Variants in VPS37A observed in about 807,000 individuals in gnomAD.
The protein encoded by VPS37A is vacuolar protein sorting-associated protein 37A.
VPS37A carries 30 observed loss-of-function variants against 49.8 expected under a neutral mutation model. The ratio of observed to expected loss-of-function variants is 0.60; its 90% confidence interval spans 0.45 to 0.82. The LOEUF is 0.82. Ranked by LOEUF, VPS37A falls within the 40% of genes least tolerant of loss-of-function variation. The pLI, the probability that VPS37A is intolerant of heterozygous loss-of-function variation, is 0.00. For missense variants in VPS37A, 593 were observed against 464.4 expected (o/e 1.28, Z -2.55); for synonymous variants, 195 against 160.6 (o/e 1.21, Z -1.62).
chr8:17,280,899 T>C (rs1009133912), intron 9 of VPS37A, among the ~76,000 whole-genome samples: 1 of 151,944 alleles, frequency 6.6e-6, no homozygotes, highest in African/African-American at 2.4e-5. Flanking sequence ...AAGAATTTTA[T>C]AAAATTCAAC....
In VPS37A at chr8:17,287,350, G is replaced by A. The variant is rs541600418; in HGVS notation, c.*923G>A. On this transcript the variant is annotated intron_variant, in intron 11 of 11. Coordinates refer to ENST00000324849, the MANE Select transcript of VPS37A (RefSeq NM_152415.3). ...CTTTTTTGAGGCTGCTTGTTTGGTT[G>A]TTTCTTATTTCTGCATCTCTATTCT... Among the ~76,000 whole-genome samples, 5 of 152,206 alleles carry A rather than the reference G, an allele frequency of 3.3e-5. No homozygotes were observed. The East Asian group carries it at 7.7e-4, about 24-fold the overall frequency.
At chr8:17,260,093 C>A (rs1042765507) in intron 1 of VPS37A, among the ~76,000 whole-genome samples, 1 of 152,084 alleles carries the variant, frequency 6.6e-6, no homozygotes, top group African/African-American at 2.4e-5. Context: ...GGACTTCTTC[C>A]ATTTTGTTGA....
downstream of VPS37A, among the ~76,000 whole-genome samples, chr8:17,306,420 C>T (rs1019927061): frequency 6.6e-6 from 1 of 151,770 alleles, no homozygotes; most frequent in African/African-American, 2.4e-5. Flanking sequence ...TCCCAAGTTG[C>T]CAAGAATATT....
chr8:17,258,073 C>CT (rs1280198404), intron 1 of VPS37A, among the ~76,000 whole-genome samples: 19 of 151,966 alleles, frequency 1.3e-4, no homozygotes, highest in African/African-American at 4.6e-4. Context: ...TTTTTCCAGT[C>CT]GTAACATTGT....
chr8:17,300,194 T>G (rs756364309), downstream of VPS37A: 1 of 1,609,650 alleles, frequency 6.2e-7, no homozygotes, highest in South Asian at 1.1e-5. Flanking sequence ...TTAGTGCAAT[T>G]TAACTGGACC....
chr8:17,301,015 TTCA>T (rs555968139), downstream of VPS37A, among the ~76,000 whole-genome samples: 16 of 152,222 alleles, frequency 1.1e-4, no homozygotes, highest in Non-Finnish European at 2.2e-4. Flanking sequence ...TGTTTCCCCA[TTCA>T]TCATGTTATG....
intron 6 of VPS37A, among the ~76,000 whole-genome samples, chr8:17,279,272 C>T (rs1272855271): frequency 1.3e-5 from 2 of 152,008 alleles, no homozygotes; most frequent in Admixed American, 1.3e-4. Flanking sequence ...ACATTTTGGC[C>T]AACACATCCT....
chr8:17,280,493 T>TA (rs1563276668), intron 9 of VPS37A, 50 bp downstream of exon 9: 2 of 1,502,870 alleles, frequency 1.3e-6, no homozygotes, highest in Admixed American at 4.3e-5. Flanking sequence ...TTTTTAATCT[T>TA]ATGTGCATGA....
At chr8:17,255,039 AC>A (rs1182057507) in intron 1 of VPS37A, among the ~76,000 whole-genome samples, 2 of 152,178 alleles carry the variant, frequency 1.3e-5, no homozygotes, top group African/African-American at 4.8e-5. Flanking sequence ...GTTTCTCATC[AC>A]ACTGTATGCT....
At position 17,280,100 on chromosome 8, in the gene VPS37A, A is replaced by G. The variant is rs778999677; in HGVS notation, c.786A>G (p.Leu262=). The stretch of plus-strand genomic sequence containing the variant: ...AACAGTTTCTGACTTTGCCTCAACT[A>G]AAACAAATTATTACCGACAAAGATG... ...LLEQFLTLPQ[L]KQIITDKDDL... is the part of the protein sequence containing the mutation. The change falls in exon 7 of 12, where the codon CTA becomes CTG. Residue 262 remains leucine, a synonymous_variant. Transcript: ENST00000324849. The G allele has an allele frequency of 1.2e-6, 2 of 1,612,814 alleles. No individual in the cohort carries two copies. Among genetic ancestry groups the G allele is most frequent in the East Asian group, 2.2e-5 (1 of 44,786 alleles).
chr8:17,256,633 T>G (rs1023077202), intron 1 of VPS37A, among the ~76,000 whole-genome samples: 1 of 87,420 alleles, frequency 1.1e-5, no homozygotes, highest in African/African-American at 5.5e-5. Flanking sequence ...GTGTAGGTTT[T>G]ATTTATTTAT....
intron 10 of VPS37A, 44 bp downstream of exon 10, chr8:17,284,660 T>A: frequency 3.2e-6 from 5 of 1,544,390 alleles, no homozygotes; most frequent in Non-Finnish European, 2.6e-6. Context: ...GGATAAAGTT[T>A]GGTATTTTTA....
At chr8:17,270,839 T>C (rs1302303138) in intron 4 of VPS37A, among the ~76,000 whole-genome samples, 1 of 152,200 alleles carries the variant, frequency 6.6e-6, no homozygotes, top group East Asian at 1.9e-4. Flanking sequence ...ATCAGGCTTG[T>C]GTTCTTTCAT....
intron 9 of VPS37A, among the ~76,000 whole-genome samples, chr8:17,281,794 T>C (rs967550802): frequency 6.6e-6 from 1 of 152,086 alleles, no homozygotes; most frequent in Non-Finnish European, 1.5e-5. Context: ...AAACAACTCA[T>C]TTACCATAGG....
chr8:17,312,808 T>A, the VPS37A span, among the ~76,000 whole-genome samples: 214 of 152,040 alleles, frequency 1.4e-3, no homozygotes, highest in African/African-American at 4.9e-3. Flanking sequence ...TTTATTTCTT[T>A]AAAAAAAACT....
chr8:17,299,771 C>T (rs1050196175), downstream of VPS37A: 14 of 1,526,392 alleles, frequency 9.2e-6, no homozygotes, highest in African/African-American at 1.4e-4. Context: ...TGACATGCAC[C>T]ATTTCCTGTT....
At chr8:17,268,221 C>G (rs375834446) in intron 2 of VPS37A, 37 bp from the exon 3 acceptor site, 35 of 1,426,566 alleles carry the variant, frequency 2.5e-5, no homozygotes, top group South Asian at 6.0e-5. Context: ...CCTTTGTTAT[C>G]TTTGTTTTTG....
At chr8:17,294,644 G>A (rs1816470969) in intron 11 of VPS37A, among the ~76,000 whole-genome samples, 3 of 152,174 alleles carry the variant, frequency 2.0e-5, no homozygotes, top group Admixed American at 6.5e-5. Flanking sequence ...TTCTGGGCTG[G>A]GTAGCACAGT....
At chr8:17,263,229 G>A (rs1483526559) in intron 1 of VPS37A, among the ~76,000 whole-genome samples, 1 of 151,916 alleles carries the variant, frequency 6.6e-6, no homozygotes, top group Admixed American at 6.6e-5. Flanking sequence ...AGAGCAATAT[G>A]TTTACAGTGG....
Sources: gnomAD v4.1 joint callset for allele counts (sites outside exome capture counted in the v4.1 genomes callset) on GRCh38, gnomAD v4.1.1 for gene constraint, MANE v1.5 for transcripts, NCBI Gene and HGNC (gene_info 2026-07-23, HGNC 2026-07-21) for gene names.